ACBD3: variants seen among roughly 807,000 people sequenced by gnomAD.
ACBD3 encodes the protein acyl-CoA binding domain containing 3, also known as Golgi resident protein GCP60.
A neutral mutation model predicts 66.9 loss-of-function variants in ACBD3; 30 were observed. The ratio of observed to expected loss-of-function variants is 0.45; its 90% CI spans 0.34 to 0.61. The LOEUF (loss-of-function observed/expected upper bound fraction) is 0.61. Ranked by LOEUF, ACBD3 falls within the 20% of genes least tolerant of loss-of-function variation. The pLI, the probability that ACBD3 is intolerant of heterozygous loss-of-function variation, is 0.02. For missense variants in ACBD3, 544 were observed against 664.5 expected, an observed-to-expected ratio of 0.82 and a Z score of 1.99; for synonymous variants, 278 against 259.8, an observed-to-expected ratio of 1.07 and a Z score of -0.68.
At chr1:226,159,906 G>GT (rs1310120703) in intron 4 of ACBD3, among the ~76,000 whole-genome samples, 1 of 152,164 alleles carries the variant, frequency 6.6e-6, no homozygotes, top group African/African-American at 2.4e-5. Context: ...ATAAAAAACA[G>GT]TAAGAGGCAG....
intron 1 of ACBD3, among the ~76,000 whole-genome samples, chr1:226,168,744 C>G (rs978600709): frequency 5.9e-5 from 9 of 152,206 alleles, no homozygotes; most frequent in Admixed American, 5.9e-4. Flanking sequence ...GCACATACAA[C>G]ACATAATACT....
chr1:226,176,730 GA>G (rs2102789038), intron 1 of ACBD3, among the ~76,000 whole-genome samples: 1 of 152,126 alleles, frequency 6.6e-6, no homozygotes, highest in South Asian at 2.1e-4. Context: ...ATATGAATAT[GA>G]AAAGTAAAAT....
intron 1 of ACBD3, among the ~76,000 whole-genome samples, chr1:226,181,338 A>G (rs905804623): frequency 1.3e-5 from 2 of 152,208 alleles, no homozygotes; most frequent in Admixed American, 1.3e-4. Flanking sequence ...AACATTAAGG[A>G]AGCCATTTAT....
At chr1:226,158,642 A>C (rs1659718152) in intron 5 of ACBD3, among the ~76,000 whole-genome samples, 1 of 152,216 alleles carries the variant, frequency 6.6e-6, no homozygotes, top group South Asian at 2.1e-4. Flanking sequence ...CTTTCACCTA[A>C]ACCAACCTCT....
chr1:226,171,145 T>C (rs1473872636), intron 1 of ACBD3, among the ~76,000 whole-genome samples: 1 of 124,446 alleles, frequency 8.0e-6, no homozygotes, highest in African/African-American at 3.2e-5. Flanking sequence ...GGATGGTAAG[T>C]AAACAATTTT....
chr1:226,150,409 C>T (rs1156936371), intron 7 of ACBD3, among the ~76,000 whole-genome samples: 3 of 152,048 alleles, frequency 2.0e-5, no homozygotes, highest in East Asian at 1.9e-4. Context: ...GACGGAGTCT[C>T]GCTCTGTTGC....
chr1:226,161,312 G>C (rs1659769190), intron 4 of ACBD3, among the ~76,000 whole-genome samples: 1 of 151,818 alleles, frequency 6.6e-6, no homozygotes, highest in Admixed American at 6.6e-5. Flanking sequence ...CTAATTTTTT[G>C]TATTTTTAAT....
intron 5 of ACBD3, 84 bp downstream of exon 5, chr1:226,159,100 A>G: frequency 6.7e-7 from 1 of 1,498,258 alleles, no homozygotes; most frequent in South Asian, 1.2e-5. Flanking sequence ...TGCAAAATTC[A>G]TTTGCGACTG....
chr1:226,164,196 A>G (rs1659825904), intron 3 of ACBD3, among the ~76,000 whole-genome samples: 1 of 151,988 alleles, frequency 6.6e-6, no homozygotes, highest in African/African-American at 2.4e-5. Flanking sequence ...TTCATCACCT[A>G]AAATTTTAGA....
At chr1:226,176,073 A>G (rs2102788638) in intron 1 of ACBD3, among the ~76,000 whole-genome samples, 1 of 152,340 alleles carries the variant, frequency 6.6e-6, no homozygotes, top group South Asian at 2.1e-4. Context: ...GGAAGGGAAG[A>G]AAGAAGAGTC....
At chr1:226,155,859 T>TATA (rs1659661480) in intron 5 of ACBD3, among the ~76,000 whole-genome samples, 1 of 152,256 alleles carries the variant, frequency 6.6e-6, no homozygotes, top group Non-Finnish European at 1.5e-5. Flanking sequence ...TATATAGTTA[T>TATA]GATTGAAATG....
intron 5 of ACBD3, among the ~76,000 whole-genome samples, chr1:226,156,018 T>C (rs1426404484): frequency 1.3e-5 from 2 of 152,176 alleles, no homozygotes; most frequent in East Asian, 3.8e-4. Context: ...TTAGGTAACT[T>C]TGGTGGGGAA....
At position 226,169,342 on chromosome 1, in the gene ACBD3, G is replaced by C. The variant is rs1240680158; in HGVS notation, c.287-3342C>G. Among the ~76,000 whole-genome samples the C allele has an allele frequency of 2.6e-5, 4 of 151,780 alleles. No homozygotes were observed. The East Asian group carries it at 7.8e-4, about 29-fold the overall frequency. ...GGCTCACTGCAAGCTCTGCCTCCCG[G>C]GTTCACGCCATTCTCCTGCCTCAGC... is the stretch of plus-strand genomic sequence containing the variant. On this transcript the variant is annotated intron_variant, in intron 1 of 7. Coordinates refer to ENST00000366812, the MANE Select transcript of ACBD3 (RefSeq NM_022735.4).
chr1:226,147,440 T>C (rs924730932), intron 7 of ACBD3, among the ~76,000 whole-genome samples: 7 of 152,110 alleles, frequency 4.6e-5, no homozygotes, highest in Non-Finnish European at 7.4e-5. Flanking sequence ...AAGGTCCCAT[T>C]TTCCCCTTTC....
chr1:226,145,411 C>A lies in ACBD3; in HGVS notation c.*1199G>T, dbSNP rs1417986477. 1 of 152,400 alleles carries A rather than the reference C, an allele frequency of 6.6e-6. No individual in the cohort carries two copies. The highest frequency in any genetic ancestry group is 1.9e-4 in the East Asian group (1 of 5,206). The allele number at this position is 152,400 out of a possible 1,614,324, so 9.4% of individuals were successfully genotyped here. ...TGTATATTGCCATCTTTGTCATTTT[C>A]TATCTATACCACTCTCCCTTCTGAA... On this transcript the variant is annotated 3_prime_UTR_variant, in exon 8 of 8. Coordinates refer to ENST00000366812, the MANE Select transcript of ACBD3 (RefSeq NM_022735.4).
intron 1 of ACBD3, among the ~76,000 whole-genome samples, chr1:226,166,934 C>A (rs1242881749): frequency 6.6e-6 from 1 of 151,846 alleles, no homozygotes; most frequent in Non-Finnish European, 1.5e-5. Flanking sequence ...GAAGCTGGGA[C>A]TACAGGCATG....
chr1:226,170,357 G>A (rs1474544175), intron 1 of ACBD3, among the ~76,000 whole-genome samples: 1 of 36,504 alleles, frequency 2.7e-5, no homozygotes, highest in Non-Finnish European at 5.7e-5. Context: ...TTTTTTTTTA[G>A]TAGAGACGGG....
chr1:226,175,524 G>GT (rs1205338239), intron 1 of ACBD3, among the ~76,000 whole-genome samples: 2 of 152,102 alleles, frequency 1.3e-5, no homozygotes, highest in African/African-American at 4.8e-5. Flanking sequence ...TAATCAAAGT[G>GT]TATCATCTGT....
rs1659873079 is a variant in ACBD3, at chr1:226,166,133, T to C, written c.287-133A>G. On this transcript the variant is annotated intron_variant, in intron 1 of 7. Transcript: ENST00000366812. ...ATAGACACAAACACTAATAGTGAAA[T>C]TTTTATTTCAATTACTACTTTTAAA... 4 of 1,044,804 alleles carry C rather than the reference T, an allele frequency of 3.8e-6. No homozygotes were observed. The South Asian group carries it at 8.3e-5, about 22-fold the overall frequency. 64.7% of individuals were successfully genotyped at this position (1,044,804 alleles called of 1,614,324 possible). A position where few individuals can be genotyped will look rare whatever the true frequency, so the allele number is the denominator to read the frequency against.
Sources: allele counts gnomAD v4.1 joint callset (sites outside exome capture counted in the v4.1 genomes callset), GRCh38; gene constraint gnomAD v4.1.1; transcripts MANE v1.5; gene names NCBI Gene and HGNC (gene_info 2026-07-23, HGNC 2026-07-21).